TRIM14: variants seen among roughly 807,000 people sequenced by gnomAD.
TRIM14 encodes the protein tripartite motif containing 14.
TRIM14 carries 28 observed loss-of-function variants against 44.5 expected under a neutral mutation model. That is an observed-to-expected ratio of 0.63 (90% CI 0.47 to 0.86). The LOEUF is 0.86. Ranked by LOEUF, TRIM14 falls within the 40% of genes least tolerant of loss-of-function variation. The pLI, the probability that TRIM14 is intolerant of heterozygous loss-of-function variation, is 0.00. For missense variants in TRIM14, 607 were observed against 611.1 expected (o/e 0.99, Z 0.07); for synonymous variants, 299 against 269.2 (o/e 1.11, Z -1.08).
chr9:98,081,286 G>A, downstream of TRIM14: 1 of 667,570 alleles, frequency 1.5e-6, no homozygotes, highest in Non-Finnish European at 2.5e-6. Flanking sequence ...GGAGACACAT[G>A]TTATCTAACT....
intron 2 of TRIM14, among the ~76,000 whole-genome samples, chr9:98,102,980 T>C (rs1587963389): frequency 6.8e-6 from 1 of 147,304 alleles, no homozygotes; most frequent in South Asian, 2.2e-4. Flanking sequence ...AGGTCAGGAG[T>C]TCAAGACCAG....
chr9:98,094,789 G>C, intron 4 of TRIM14, 78 bp downstream of exon 4: 2 of 1,505,338 alleles, frequency 1.3e-6, no homozygotes, highest in Non-Finnish European at 1.8e-6. Flanking sequence ...GATGTAGGGA[G>C]ATGATCTTTG....
At chr9:98,076,113 G>A (rs1829578872) in intron 6 of TRIM14, 1 of 152,146 alleles carries the variant, frequency 6.6e-6, no homozygotes, top group Non-Finnish European at 1.5e-5. Flanking sequence ...GAAAGGGCTC[G>A]GGTTGAATGG....
At position 98,119,084 on chromosome 9, in the gene TRIM14, GA is replaced by G; in HGVS notation, c.104del (p.Phe35SerfsTer42). The G allele has an allele frequency of 1.3e-6, 2 of 1,585,314 alleles. No individual in the cohort carries two copies. Among genetic ancestry groups the G allele is most frequent in the Middle Eastern group, 2.0e-4 (1 of 4,996 alleles). Reference protein sequence around the residue: ...PEHGDRVAELFCRRCRRCVCA... With the variant: ...PEHGDRVAELXCRRCRRCVCA... ...ACACGCAGCGGCGGCAGCGGCGACAGAAGAGCTCAGCCACGCGGTCGCCATG... is the reference window on the plus strand; with the variant it reads ...ACACGCAGCGGCGGCAGCGGCGACAGAGAGCTCAGCCACGCGGTCGCCATG... On this transcript the variant is annotated frameshift_variant, in exon 1 of 6. Transcript: ENST00000341469. LOFTEE classifies it high-confidence loss of function.
rs772439008 is a variant in TRIM14, at chr9:98,109,859, C to T, written c.303+30G>A. The T allele has an allele frequency of 1.9e-6, 3 of 1,580,926 alleles. No individual in the cohort carries two copies. The South Asian group carries it at 3.3e-5, about 17-fold the overall frequency. On this transcript the variant is annotated intron_variant, in intron 2 of 5. Coordinates refer to ENST00000341469, the MANE Select transcript of TRIM14 (RefSeq NM_014788.4). ...GTCTGGGGGGAAATGTGGGTCTTTC[C>T]ATGGGTATGAGGAAGAAATGTCCAC...
the TRIM14 span, among the ~76,000 whole-genome samples, chr9:98,049,329 G>A: frequency 4.2e-3 from 484 of 114,760 alleles, 9 homozygotes; most frequent in East Asian, 0.016. Context: ...GCAACAGAGT[G>A]AGACTCTGCA....
In TRIM14 at chr9:98,085,789, C is replaced by G. The variant is rs1452040946; in HGVS notation, c.*1681G>C. On this transcript the variant is annotated 3_prime_UTR_variant, in exon 6 of 6. Coordinates refer to ENST00000341469, the MANE Select transcript of TRIM14 (RefSeq NM_014788.4). ...CTCATATCAAAAGTGCCATTTTTAA[C>G]TCAAAAACTATTGAAAATTGTCAGT... The G allele has an allele frequency of 6.6e-6, 1 of 152,184 alleles. No individual in the cohort carries two copies. Among genetic ancestry groups the G allele is most frequent in the East Asian group, 1.9e-4 (1 of 5,204 alleles). 9.4% of individuals were successfully genotyped at this position (152,184 alleles called of 1,614,324 possible).
chr9:98,095,574 A>G lies in TRIM14; in HGVS notation c.538-545T>C, dbSNP rs1253846261. ...AGGGGGTGTGGCCACCGCAGGGGAC[A>G]TGTGTCCTGTTTTGCACCTGGACAG... On this transcript the variant is annotated intron_variant, in intron 3 of 5. Transcript: ENST00000341469. The surrounding 1 kb of genome is among the most constrained non-coding windows in gnomAD (Gnocchi z 4.1). 6.6e-6 allele frequency among the ~76,000 whole-genome samples: 1 copy of G among 152,236 alleles called. No homozygotes were observed. The highest frequency in any genetic ancestry group is 1.5e-5 in the Non-Finnish European group (1 of 68,036).
chr9:98,041,018 G>A, the TRIM14 span, among the ~76,000 whole-genome samples: 22 of 151,936 alleles, frequency 1.4e-4, no homozygotes, highest in African/African-American at 4.8e-4. Flanking sequence ...CAAATTCCTG[G>A]CCTCAAGTGA....
chr9:98,105,524 A>G (rs1328169710), intron 2 of TRIM14, among the ~76,000 whole-genome samples: 1 of 152,244 alleles, frequency 6.6e-6, no homozygotes, highest in Non-Finnish European at 1.5e-5. Flanking sequence ...GGTTGCAGTG[A>G]GCTGAGATCA....
In TRIM14 at chr9:98,119,131, A is replaced by T; in HGVS notation, c.58T>A (p.Cys20Ser). 2 of 1,587,086 alleles carry T rather than the reference A, an allele frequency of 1.3e-6. No individual in the cohort carries two copies. Among genetic ancestry groups the T allele is most frequent in the Non-Finnish European group, 1.7e-6 (2 of 1,175,984 alleles). ...TPGRSELVEG[C>S]GWRCPEHGDR... is the part of the protein sequence containing the mutation. Reference sequence around the variant, plus strand: ...CCATGCTCCGGGCAGCGCCAGCCGCATCCCTCGACAAGCTCCGACCTCCCA... The same window carrying T: ...CCATGCTCCGGGCAGCGCCAGCCGCTTCCCTCGACAAGCTCCGACCTCCCA... Residue 20 changes from cysteine to serine, a missense_variant, in exon 1 of 6, where the codon TGC becomes AGC. Physicochemically the swap from Cys to Ser is moderately radical, Grantham distance 112. Around this residue, in one of 3 missense-constraint regions of TRIM14, gnomAD observed 246 missense variants for 270.8 expected, o/e 0.91. Transcript: ENST00000341469.
rs746983430 is a variant in TRIM14, at chr9:98,100,098, C to A, written c.370G>T (p.Glu124Ter). The change falls in exon 3 of 6, where the codon GAA becomes TAA. Residue 124 changes from glutamate to a stop codon, truncating the protein, a stop_gained. Transcript: ENST00000341469. LOFTEE classifies it high-confidence loss of function. Reference sequence around the variant, plus strand: ...AATTTCTTGGCCAGCGCTTCCTCTTCGTCAAGTAGTAATCTGAGTTCAGTG... The same window carrying A: ...AATTTCTTGGCCAGCGCTTCCTCTTAGTCAAGTAGTAATCTGAGTTCAGTG... ...KFTELRLLLD[E>*]EEALAKKFID... is the part of the protein sequence containing the mutation. The A allele has an allele frequency of 3.7e-6, 6 of 1,614,060 alleles. No homozygotes were observed.
downstream of TRIM14, chr9:98,083,189 G>T: frequency 1.3e-6 from 1 of 797,620 alleles, no homozygotes. Context: ...TTAGACAGCA[G>T]ATGTTTCTGG....
chr9:98,064,364 G>A (rs890360243), downstream of TRIM14, among the ~76,000 whole-genome samples: 16 of 151,458 alleles, frequency 1.1e-4, no homozygotes, highest in Non-Finnish European at 1.5e-4. Context: ...AGTTATTCTC[G>A]TGCCTCAGCC....
downstream of TRIM14, chr9:98,081,008 G>C (rs1488001234): frequency 3.7e-6 from 6 of 1,614,214 alleles, no homozygotes; most frequent in Non-Finnish European, 5.1e-6. Context: ...GGTGCGGTCA[G>C]TGCGTCTTGT....
chr9:98,050,027 A>G, the TRIM14 span, among the ~76,000 whole-genome samples: 4 of 152,214 alleles, frequency 2.6e-5, no homozygotes, highest in East Asian at 1.9e-4. Context: ...GGAAAAGGAA[A>G]GTGAAGTACA....
chr9:98,046,675 G>A, the TRIM14 span, among the ~76,000 whole-genome samples: 2 of 152,072 alleles, frequency 1.3e-5, no homozygotes, highest in African/African-American at 4.8e-5. Context: ...TCCTGACCTT[G>A]TGATCCACCC....
the TRIM14 span, chr9:98,056,746 A>C: frequency 1.9e-6 from 3 of 1,567,786 alleles, no homozygotes; most frequent in Non-Finnish European, 2.6e-6. Context: ...AACAGAGTAG[A>C]GGCGGCGGCG....
At chr9:98,050,367 C>T in the TRIM14 span, among the ~76,000 whole-genome samples, 4 of 152,270 alleles carry the variant, frequency 2.6e-5, no homozygotes, top group East Asian at 7.7e-4. Context: ...CTTATTTGGT[C>T]TTGAAACCCA....
Sources: gnomAD v4.1 joint callset for allele counts (sites outside exome capture counted in the v4.1 genomes callset) on GRCh38, gnomAD v4.1.1 for gene constraint, gnomAD v4.1.1 regional missense constraint, Gnocchi (gnomAD v3.1) non-coding constraint, MANE v1.5 for transcripts, NCBI Gene and HGNC (gene_info 2026-07-23, HGNC 2026-07-21) for gene names.